Variants in CPNE3 observed in about 807,000 individuals in gnomAD.
CPNE3 encodes the protein copine 3.
Under a neutral mutation model 63.9 loss-of-function variants are expected in CPNE3, and 68 were observed. The observed-to-expected ratio is 1.06, with a 90% CI of 0.87 to 1.30. The LOEUF (loss-of-function observed/expected upper bound fraction) is 1.30, where lower values mean the gene tolerates loss of function less well. Among genes scored for constraint, CPNE3 ranks in the 50% most tolerant of loss-of-function variants. The pLI, the probability that CPNE3 is intolerant of heterozygous loss-of-function variation, is 0.00. For synonymous variants in CPNE3, 219 were observed against 197.5 expected (o/e 1.11, Z -0.91); for missense variants, 665 against 578.1 (o/e 1.15, Z -1.54).
At position 86,551,691 on chromosome 8, in the gene CPNE3, T is replaced by C. The variant is rs145787803; in HGVS notation, c.1120+457T>C. Reference sequence around the variant, plus strand: ...GAAGAGAAAAGTATCCAGCATCTAATACTTGTTGCTCACACAGTATTCTAT... The same window carrying C: ...GAAGAGAAAAGTATCCAGCATCTAACACTTGTTGCTCACACAGTATTCTAT... On this transcript the variant is annotated intron_variant, in intron 14 of 16. Coordinates refer to ENST00000517490, the MANE Select transcript of CPNE3 (RefSeq NM_003909.5). Among the ~76,000 whole-genome samples the C allele has an allele frequency of 5.2e-3, 790 of 152,348 alleles. 3 individuals carry two copies. The highest frequency in any genetic ancestry group is 0.018 in the African/African-American group (740 of 41,576).
intron 10 of CPNE3, among the ~76,000 whole-genome samples, chr8:86,546,899 C>T (rs942146510): frequency 6.6e-6 from 1 of 152,068 alleles, no homozygotes; most frequent in Non-Finnish European, 1.5e-5. Context: ...TTAGTGGAGA[C>T]AGGGTTTCAC....
chr8:86,541,892 C>A lies in CPNE3; in HGVS notation c.633+1558C>A, dbSNP rs867014008. On this transcript the variant is annotated intron_variant, in intron 8 of 16. Coordinates refer to ENST00000517490, the MANE Select transcript of CPNE3 (RefSeq NM_003909.5). ...ATTATTTTTTATCATTTTGCCAAAT[C>A]CAGACTTTTGCTTTTCATATTAAAA... Among the ~76,000 whole-genome samples the A allele has an allele frequency of 1.8e-4, 28 of 152,124 alleles. No homozygotes were observed. In the East Asian group the frequency reaches 4.1e-3, roughly 22 times the overall value.
intron 2 of CPNE3, among the ~76,000 whole-genome samples, chr8:86,518,420 C>A (rs1419721695): frequency 6.6e-6 from 1 of 152,162 alleles, no homozygotes; most frequent in Non-Finnish European, 1.5e-5. Context: ...CACAGCTGGC[C>A]AGCAGCTTTA....
At chr8:86,552,179 A>G (rs1821195846) in intron 14 of CPNE3, among the ~76,000 whole-genome samples, 1 of 152,216 alleles carries the variant, frequency 6.6e-6, no homozygotes, top group Non-Finnish European at 1.5e-5. Flanking sequence ...GACAATTACA[A>G]ATGTATAGCT....
intron 15 of CPNE3, 77 bp from the exon 16 acceptor site, chr8:86,556,025 T>C (rs1231093609): frequency 5.1e-6 from 4 of 785,652 alleles, no homozygotes; most frequent in Middle Eastern, 2.9e-4. Flanking sequence ...CAAGAAAGAC[T>C]GGATGACTCA....
intron 2 of CPNE3, among the ~76,000 whole-genome samples, chr8:86,526,455 G>A (rs1053250103): frequency 1.3e-5 from 2 of 151,926 alleles, no homozygotes; most frequent in African/African-American, 2.4e-5. Flanking sequence ...TAAAATGTGA[G>A]CACTTACTGT....
chr8:86,534,089 C>T lies in CPNE3; in HGVS notation c.459+1509C>T, dbSNP rs75439052. Among the ~76,000 whole-genome samples, 1,045 of 152,102 alleles carry T rather than the reference C, an allele frequency of 6.9e-3. 8 individuals carry two copies. Among genetic ancestry groups the T allele is most frequent in the Non-Finnish European group, 0.012 (798 of 67,990 alleles). ...TGTAGTGCATTATAATTACAAGACT[C>T]CATCTTTTTTTTTTTTCAAAAAAGA... On this transcript the variant is annotated intron_variant, in intron 6 of 16. Transcript: ENST00000517490.
intron 7 of CPNE3, among the ~76,000 whole-genome samples, chr8:86,538,953 A>G (rs554816027): frequency 2.0e-5 from 3 of 152,300 alleles, no homozygotes; most frequent in South Asian, 2.1e-4. Context: ...TAGCACTTCA[A>G]CCAGTGGTTT....
At chr8:86,520,954 GT>G (rs1037656864) in intron 2 of CPNE3, among the ~76,000 whole-genome samples, 1 of 151,606 alleles carries the variant, frequency 6.6e-6, no homozygotes, top group African/African-American at 2.4e-5. Context: ...TTTCTTTTTT[GT>G]TTTGTTTTAT....
chr8:86,523,227 A>G (rs1042437667), intron 2 of CPNE3, among the ~76,000 whole-genome samples: 1 of 152,204 alleles, frequency 6.6e-6, no homozygotes, highest in Non-Finnish European at 1.5e-5. Flanking sequence ...TTGAAGGACT[A>G]GTGTCAGGGT....
At chr8:86,537,739 T>C (rs1411850031) in intron 7 of CPNE3, 93 bp downstream of exon 7, 1 of 782,654 alleles carries the variant, frequency 1.3e-6, no homozygotes, top group Non-Finnish European at 2.2e-6. Context: ...AAAGTATCAA[T>C]CTGAGTTCAT....
intron 5 of CPNE3, 83 bp downstream of exon 5, chr8:86,531,312 C>T (rs1434611158): frequency 1.3e-6 from 1 of 754,974 alleles, no homozygotes; most frequent in Non-Finnish European, 2.4e-6. Context: ...GAGAAATATT[C>T]TACAGCCATG....
At chr8:86,552,862 G>T (rs62510846) in intron 14 of CPNE3, among the ~76,000 whole-genome samples, 1 of 113,082 alleles carries the variant, frequency 8.8e-6, no homozygotes. Context: ...TTTTCGAGAC[G>T]AAGTCTTGCT....
intron 2 of CPNE3, among the ~76,000 whole-genome samples, chr8:86,520,651 A>G (rs1437704896): frequency 7.0e-6 from 1 of 143,376 alleles, no homozygotes; most frequent in Non-Finnish European, 1.5e-5. Context: ...CTAACACAGA[A>G]CCAGGCATTT....
chr8:86,515,535 G>T (rs1352767496), intron 2 of CPNE3, 36 bp downstream of exon 2: 1 of 152,188 alleles, frequency 6.6e-6, no homozygotes, highest in East Asian at 1.9e-4. Context: ...ATTCAAGTCC[G>T]TATGGTTTTA....
chr8:86,546,290 G>A (rs1821049378), intron 9 of CPNE3, among the ~76,000 whole-genome samples: 1 of 151,858 alleles, frequency 6.6e-6, no homozygotes, highest in African/African-American at 2.4e-5. Context: ...AAAATATGCA[G>A]CAAAGAGAAA....
chr8:86,561,092 C>T lies in CPNE3; in HGVS notation c.*2682C>T, dbSNP rs1821431464. 6.6e-6 allele frequency: 1 copy of T among 152,188 alleles called. No individual in the cohort carries two copies. Among genetic ancestry groups the T allele is most frequent in the Non-Finnish European group, 1.5e-5 (1 of 68,042 alleles). The allele number at this position is 152,188 out of a possible 1,614,324, so 9.4% of individuals were successfully genotyped here. ...TTTACAACTGTTCATTATAGTGGTGCCTTAGGCAATCTTTCCAAAGTAAAT... is the reference window on the plus strand; with the variant it reads ...TTTACAACTGTTCATTATAGTGGTGTCTTAGGCAATCTTTCCAAAGTAAAT... On this transcript the variant is annotated 3_prime_UTR_variant, in exon 17 of 17. Coordinates refer to ENST00000517490, the MANE Select transcript of CPNE3 (RefSeq NM_003909.5).
At chr8:86,535,779 T>C (rs1271542126) in intron 6 of CPNE3, among the ~76,000 whole-genome samples, 1 of 152,204 alleles carries the variant, frequency 6.6e-6, no homozygotes, top group Non-Finnish European at 1.5e-5. Context: ...TCACACAACG[T>C]TAATAGTTTT....
intron 2 of CPNE3, chr8:86,525,104 C>T (rs1820514190): frequency 6.6e-6 from 1 of 152,276 alleles, no homozygotes; most frequent in Non-Finnish European, 1.5e-5. Flanking sequence ...ATCCACCTGC[C>T]TCGGCCTCCC....
Sources: gnomAD v4.1 joint callset for allele counts (sites outside exome capture counted in the v4.1 genomes callset) on GRCh38, gnomAD v4.1.1 for gene constraint, MANE v1.5 for transcripts, NCBI Gene and HGNC (gene_info 2026-07-23, HGNC 2026-07-21) for gene names.